CCDC40: variants seen among roughly 807,000 people sequenced by gnomAD.
CCDC40 encodes the protein coiled-coil domain 40 molecular ruler complex subunit.
CCDC40 carries 104 observed loss-of-function variants against 124.5 expected under a neutral mutation model. That is an observed-to-expected ratio of 0.84 (90% CI 0.71 to 0.98). CCDC40 has a LOEUF of 0.98. CCDC40 is among the 50% of genes least tolerant of loss of function. The pLI is 0.00. For synonymous variants in CCDC40, 580 were observed against 602.9 expected, an observed-to-expected ratio of 0.96 and a Z score of 0.56; for missense variants, 1,463 against 1,503.9, an observed-to-expected ratio of 0.97 and a Z score of 0.45.
intron 7 of CCDC40, among the ~76,000 whole-genome samples, chr17:80,055,542 G>T (rs1321220628): frequency 6.6e-6 from 1 of 152,028 alleles, no homozygotes; most frequent in Admixed American, 6.6e-5. Context: ...TAAATAAATG[G>T]AGTGCCCACG....
intron 7 of CCDC40, among the ~76,000 whole-genome samples, chr17:80,057,403 G>A (rs1438211675): frequency 2.6e-5 from 4 of 152,042 alleles, no homozygotes; most frequent in Non-Finnish European, 5.9e-5. Context: ...GGCTTTGCAA[G>A]TTTAAGCTGT....
chr17:80,075,482 A>T (rs2038290563), intron 10 of CCDC40, among the ~76,000 whole-genome samples: 1 of 151,954 alleles, frequency 6.6e-6, no homozygotes, highest in African/African-American at 2.4e-5. Flanking sequence ...TTTATTGGGG[A>T]CAGATGTGCA....
chr17:80,061,813 A>AAGATCTTCATCC (rs1246221927), intron 9 of CCDC40, among the ~76,000 whole-genome samples: 1 of 152,052 alleles, frequency 6.6e-6, no homozygotes, highest in Non-Finnish European at 1.5e-5. Context: ...TATCTTTATC[A>AAGATCTTCATCC]AGATCTTCAT....
rs748686060 is a variant in CCDC40 at position 80,088,060 on chromosome 17, G to T, written c.2669G>T (p.Ser890Ile). ...IKMQDKLNQL[S>I]EEKATLLNQL... is the part of the protein sequence containing the mutation. ...ATGCAGGACAAGCTGAACCAGCTCA[G>T]CGAGGAGAAGGCGACCCTCCTGAAT... The change falls in exon 16 of 20, where the codon AGC (serine) becomes ATC (isoleucine). Residue 890 changes from serine (S) to isoleucine (I), a missense_variant. Coordinates refer to ENST00000397545, the MANE Select transcript of CCDC40 (RefSeq NM_017950.4). The T allele has an allele frequency of 6.2e-7, 1 of 1,613,734 alleles. No individual in the cohort carries two copies. The highest frequency in any genetic ancestry group is 8.5e-7 in the Non-Finnish European group (1 of 1,179,926).
chr17:80,088,010 G>A lies in CCDC40; in HGVS notation c.2620-1G>A. 6.2e-7 allele frequency: 1 copy of A among 1,603,590 alleles called. No individual in the cohort carries two copies. The highest frequency in any genetic ancestry group is 8.5e-7 in the Non-Finnish European group (1 of 1,170,908). On this transcript the variant is annotated splice_acceptor_variant, in intron 15 of 19. Coordinates refer to ENST00000397545, the MANE Select transcript of CCDC40 (RefSeq NM_017950.4). LOFTEE classifies it high-confidence loss of function. ...GCTGTCCCGCCCCCTCCCCCATGCA[G>A]GCCTCTGAGAGGGAGACCATCAAGA...
At chr17:80,061,824 C>G (rs936217188) in intron 9 of CCDC40, among the ~76,000 whole-genome samples, 2 of 151,872 alleles carry the variant, frequency 1.3e-5, no homozygotes, top group African/African-American at 4.9e-5. Context: ...AGATCTTCAT[C>G]CAGGGCGATA....
intron 10 of CCDC40, among the ~76,000 whole-genome samples, chr17:80,079,985 G>A (rs1343457335): frequency 6.6e-6 from 1 of 151,700 alleles, no homozygotes; most frequent in Non-Finnish European, 1.5e-5. Flanking sequence ...CAACACTTTG[G>A]GAGGCCGAGG....
Position 80,085,002 on chromosome 17 carries a change from C to T in CCDC40, c.2235+14C>T, listed in dbSNP as rs1250641387. The T allele has an allele frequency of 6.2e-7, 1 of 1,612,734 alleles. No individual in the cohort carries two copies. The highest frequency in any genetic ancestry group is 1.3e-5 in the African/African-American group (1 of 74,930). ...TCCGAGCTGGGGGTGAGGTCCCAGG[C>T]AGGGAGACGTGGTCCCCGGCTGACT... is the stretch of plus-strand genomic sequence containing the variant. On this transcript the variant is annotated intron_variant, in intron 13 of 19. Transcript: ENST00000397545.
chr17:80,086,023 G>A lies in CCDC40; in HGVS notation c.2256G>A (p.Leu752=), dbSNP rs2038579419. 6.2e-7 allele frequency: 1 copy of A among 1,613,934 alleles called. No homozygotes were observed. Among genetic ancestry groups the A allele is most frequent in the Non-Finnish European group, 8.5e-7 (1 of 1,180,024 alleles). The change falls in exon 14 of 20, where the codon CTG becomes CTA. Residue 752 remains leucine (L), a synonymous_variant. Transcript: ENST00000397545. This position sits in a 1 kb window ranked among gnomAD's most constrained non-coding sequence, Gnocchi z 5.5. ...SELGGEEVGP[L]ELEIKRLSKL... Reference sequence around the variant, plus strand: ...TCTAGGGGGAAGAAGTGGGGCCCCTGGAGCTTGAAATCAAAAGGCTGAGCA... The same window carrying A: ...TCTAGGGGGAAGAAGTGGGGCCCCTAGAGCTTGAAATCAAAAGGCTGAGCA...
chr17:80,082,091 A>C (rs1568707169), intron 12 of CCDC40, 33 bp downstream of exon 12: 1 of 1,601,798 alleles, frequency 6.2e-7, no homozygotes, highest in South Asian at 1.1e-5. Flanking sequence ...GGCTGTGCGA[A>C]GCCCCCTGCA....
At chr17:80,061,517 G>A (rs567410436) in intron 9 of CCDC40, among the ~76,000 whole-genome samples, 44 of 152,330 alleles carry the variant, frequency 2.9e-4, no homozygotes, top group African/African-American at 9.9e-4. Flanking sequence ...AAGGAGACTC[G>A]CCCTGTGTGC....
At chr17:80,072,886 A>T (rs2038225706) in intron 10 of CCDC40, among the ~76,000 whole-genome samples, 1 of 151,960 alleles carries the variant, frequency 6.6e-6, no homozygotes, top group African/African-American at 2.4e-5. Flanking sequence ...GCTGTCCTGA[A>T]AAGATCTTTG....
chr17:80,059,892 G>A (rs1054393235), intron 9 of CCDC40, among the ~76,000 whole-genome samples: 4 of 152,108 alleles, frequency 2.6e-5, no homozygotes, highest in Non-Finnish European at 5.9e-5. Flanking sequence ...TTGAAGGAAC[G>A]GATGAGCACG....
At chr17:80,037,725 G>A (rs75984315) in intron 1 of CCDC40, among the ~76,000 whole-genome samples, 6,647 of 64,506 alleles carry the variant, frequency 0.1, 594 homozygotes, top group African/African-American at 0.26. Flanking sequence ...ATATATTCCT[G>A]TGCTACGTAA....
chr17:80,057,153 A>T (rs1353954903), intron 7 of CCDC40, among the ~76,000 whole-genome samples: 1 of 151,716 alleles, frequency 6.6e-6, no homozygotes, highest in East Asian at 1.9e-4. Flanking sequence ...TTTGAGACAG[A>T]GTCTCACTTT....
chr17:80,095,585 C>G lies in CCDC40; in HGVS notation c.3021+134C>G, dbSNP rs1332980193. On this transcript the variant is annotated intron_variant, in intron 18 of 19. Transcript: ENST00000397545. ...GTGGGGGCGTGCTCAGCACTGCTAA[C>G]CTGCTGCTGGGTGCTGGGTCTGGGG... is the stretch of plus-strand genomic sequence containing the variant. 4 of 806,764 alleles carry G rather than the reference C, an allele frequency of 5.0e-6. No homozygotes were observed. In the Admixed American group the frequency reaches 6.7e-5, roughly 13 times the overall value. 50.0% of individuals were successfully genotyped at this position (806,764 alleles called of 1,614,324 possible). A position where few individuals can be genotyped will look rare whatever the true frequency, so the allele number is the denominator to read the frequency against.
intron 3 of CCDC40, among the ~76,000 whole-genome samples, chr17:80,045,713 A>G (rs2037403782): frequency 6.7e-6 from 1 of 149,704 alleles, no homozygotes; most frequent in Non-Finnish European, 1.5e-5. Context: ...CAAAAACAAC[A>G]ACAACTACAA....
At chr17:80,041,033 C>T (rs948024913) in intron 3 of CCDC40, among the ~76,000 whole-genome samples, 5 of 152,154 alleles carry the variant, frequency 3.3e-5, no homozygotes, top group African/African-American at 9.7e-5. Flanking sequence ...ACAATAGCTG[C>T]GTTCTTATAT....
At chr17:80,046,359 T>C (rs9904447) in intron 3 of CCDC40, among the ~76,000 whole-genome samples, 149,925 of 152,048 alleles carry the variant, frequency 0.99, 73,953 homozygotes, top group Middle Eastern at 1. Flanking sequence ...AGCAAGACCC[T>C]ACCTCTAAGT....
Sources: gnomAD v4.1 joint callset for allele counts (sites outside exome capture counted in the v4.1 genomes callset) on GRCh38, gnomAD v4.1.1 for gene constraint, Gnocchi (gnomAD v3.1) non-coding constraint, MANE v1.5 for transcripts, NCBI Gene and HGNC (gene_info 2026-07-23, HGNC 2026-07-21) for gene names.